The following TTC28 variants were observed in gnomAD, a reference collection of about 807,000 sequenced individuals.
The protein encoded by TTC28 is tetratricopeptide repeat domain 28.
In TTC28, 61 loss-of-function variants were observed where a neutral mutation model predicts 198.0. The ratio of observed to expected loss-of-function variants is 0.31; its 90% CI spans 0.25 to 0.38. TTC28 has a LOEUF of 0.38. TTC28 is among the 10% of genes least tolerant of loss of function. The probability of loss-of-function intolerance (pLI) is 1.00; values close to 1 mark genes in which losing one functional copy is unlikely to be tolerated. For synonymous variants in TTC28, 1,171 were observed against 1,297.8 expected (o/e 0.90, Z 2.10); for missense variants, 2,678 against 3,164.0 (o/e 0.85, Z 3.69).
chr22:27,988,223 G>C (rs906566898), intron 21 of TTC28, among the ~76,000 whole-genome samples: 1 of 151,796 alleles, frequency 6.6e-6, no homozygotes, highest in Admixed American at 6.6e-5. Context: ...TGAGGTGGTC[G>C]GGGAAGGTCA....
rs778562774 is a variant in TTC28, at chr22:28,624,405, C to T, written c.381+5147G>A. ...AAAAAAAAAATCAAGAATGATAAAA[C>T]GAACATCACTATGGATTCTTCAGAT... is the stretch of plus-strand genomic sequence containing the variant. On this transcript the variant is annotated intron_variant, in intron 2 of 22. Transcript: ENST00000397906. Among the ~76,000 whole-genome samples, 9 of 150,984 alleles carry T rather than the reference C, an allele frequency of 6.0e-5. 1 individual carries two copies. The highest frequency in any genetic ancestry group is 4.2e-4 in the South Asian group (2 of 4,780).
At chr22:28,543,531 A>AAG (rs1491254785) in intron 2 of TTC28, among the ~76,000 whole-genome samples, 1 of 151,416 alleles carries the variant, frequency 6.6e-6, no homozygotes, top group Admixed American at 6.6e-5. Context: ...GAAAGAAAAG[A>AAG]AGAGAGAGAG....
At chr22:28,125,890 TGA>T (rs1942901818) in intron 6 of TTC28, among the ~76,000 whole-genome samples, 1 of 152,200 alleles carries the variant, frequency 6.6e-6, no homozygotes, top group Non-Finnish European at 1.5e-5. Flanking sequence ...TTTTCTCTTA[TGA>T]GGCATCTGCA....
chr22:28,082,109 C>A (rs542376965), intron 12 of TTC28, among the ~76,000 whole-genome samples: 3 of 152,092 alleles, frequency 2.0e-5, no homozygotes, highest in Non-Finnish European at 4.4e-5. Flanking sequence ...ATTTCATATC[C>A]TGCAGATTTA....
intron 12 of TTC28, chr22:28,056,233 C>T (rs1454543892): frequency 2.6e-5 from 4 of 152,094 alleles, no homozygotes; most frequent in Non-Finnish European, 4.4e-5. Context: ...ACTGCTGATC[C>T]GCACCAGAGT....
chr22:28,390,554 T>C (rs2146063143), intron 2 of TTC28, among the ~76,000 whole-genome samples: 1 of 152,344 alleles, frequency 6.6e-6, no homozygotes, highest in South Asian at 2.1e-4. Flanking sequence ...ATATTTAGGA[T>C]AGTTAGCCCT....
At chr22:28,498,121 T>C (rs950935589) in intron 2 of TTC28, among the ~76,000 whole-genome samples, 4 of 150,928 alleles carry the variant, frequency 2.7e-5, no homozygotes, top group African/African-American at 9.8e-5. Flanking sequence ...AAATAGAACA[T>C]TGACCTGAGC....
intron 13 of TTC28, among the ~76,000 whole-genome samples, chr22:28,023,574 C>G (rs1938699316): frequency 6.6e-6 from 1 of 152,242 alleles, no homozygotes; most frequent in African/African-American, 2.4e-5. Flanking sequence ...ATTTGTGGGT[C>G]CAAGCCTGTC....
intron 12 of TTC28, among the ~76,000 whole-genome samples, chr22:28,087,308 C>T (rs1308256510): frequency 1.3e-5 from 2 of 152,136 alleles, no homozygotes; most frequent in Admixed American, 6.5e-5. Context: ...AAACGCTTAT[C>T]CACCATGATC....
At chr22:28,296,355 G>GA (rs1467274458) in intron 4 of TTC28, 27 bp from the exon 5 acceptor site, 39 of 1,449,572 alleles carry the variant, frequency 2.7e-5, no homozygotes, top group Non-Finnish European at 3.5e-5. Context: ...AAAAAAAAAA[G>GA]AAAAAATTTC....
At chr22:28,655,233 TAC>T (rs1019461787) in intron 1 of TTC28, among the ~76,000 whole-genome samples, 9 of 152,236 alleles carry the variant, frequency 5.9e-5, no homozygotes, top group Admixed American at 2.6e-4. Flanking sequence ...CCCTATAGAT[TAC>T]AGACTATCTT....
chr22:28,002,057 C>G (rs913716453), intron 14 of TTC28: 3 of 159,130 alleles, frequency 1.9e-5, no homozygotes, highest in African/African-American at 7.2e-5. Context: ...CCCCTTGGCT[C>G]TGGGCTTGGG....
chr22:27,999,290 C>G, intron 15 of TTC28, 30 bp from the exon 16 acceptor site: 1 of 1,518,298 alleles, frequency 6.6e-7, no homozygotes, highest in African/African-American at 1.4e-5. Context: ...AGCAGACCAC[C>G]CGTCAGACAG....
intron 5 of TTC28, among the ~76,000 whole-genome samples, chr22:28,228,258 T>G (rs754329864): frequency 2.6e-5 from 4 of 152,016 alleles, no homozygotes; most frequent in Non-Finnish European, 5.9e-5. Context: ...AAATTCAAGT[T>G]GGGAAAATGA....
Position 28,099,578 on chromosome 22 carries a change from G to T in TTC28, c.3418-534C>A, listed in dbSNP as rs187718706. Among the ~76,000 whole-genome samples, 8 of 152,240 alleles carry T rather than the reference G, an allele frequency of 5.3e-5. No homozygotes were observed. The East Asian group carries it at 1.5e-3, about 29-fold the overall frequency. On this transcript the variant is annotated intron_variant, in intron 9 of 22. Transcript: ENST00000397906. Reference sequence around the variant, plus strand: ...AGGTAGGTCCTTGTGGACCTAAAAAGGCATCAGATCATGCCCAGTAAATTA... The same window carrying T: ...AGGTAGGTCCTTGTGGACCTAAAAATGCATCAGATCATGCCCAGTAAATTA...
intron 5 of TTC28, among the ~76,000 whole-genome samples, chr22:28,221,166 G>T (rs1400311252): frequency 6.6e-6 from 1 of 152,098 alleles, no homozygotes; most frequent in Non-Finnish European, 1.5e-5. Flanking sequence ...GGCCCTAGGA[G>T]GAGGAAGAGG....
intron 2 of TTC28, among the ~76,000 whole-genome samples, chr22:28,467,041 G>T (rs1056962534): frequency 2.0e-5 from 3 of 152,182 alleles, no homozygotes; most frequent in Non-Finnish European, 2.9e-5. Flanking sequence ...TATAAATCAT[G>T]TTCCATCTAC....
intron 2 of TTC28, among the ~76,000 whole-genome samples, chr22:28,314,108 C>T (rs2045313877): frequency 6.6e-6 from 1 of 152,154 alleles, no homozygotes; most frequent in Admixed American, 6.5e-5. Context: ...AACTCCCATT[C>T]ACAACTGCTA....
At chr22:28,208,807 G>T (rs1380872067) in intron 5 of TTC28, among the ~76,000 whole-genome samples, 1 of 152,052 alleles carries the variant, frequency 6.6e-6, no homozygotes, top group Non-Finnish European at 1.5e-5. Flanking sequence ...AGAAATGATA[G>T]ATCTGAAACC....
Sources: allele counts gnomAD v4.1 joint callset (sites outside exome capture counted in the v4.1 genomes callset), GRCh38; gene constraint gnomAD v4.1.1; transcripts MANE v1.5; gene names NCBI Gene and HGNC (gene_info 2026-07-23, HGNC 2026-07-21).